The following NSRP1 variants were observed in gnomAD, a reference collection of about 807,000 sequenced individuals.
The protein encoded by NSRP1 is nuclear speckle splicing regulatory protein 1.
Under a neutral mutation model 54.7 loss-of-function variants are expected in NSRP1, and 24 were observed. The observed-to-expected ratio is 0.44, with a 90% CI of 0.32 to 0.62. The LOEUF (loss-of-function observed/expected upper bound fraction) is 0.62, where lower values mean the gene tolerates loss of function less well. Among genes scored for constraint, NSRP1 ranks in the 20% least tolerant of loss-of-function variants. The probability of loss-of-function intolerance (pLI) is 0.06; values close to 1 mark genes in which losing one functional copy is unlikely to be tolerated. For synonymous variants in NSRP1, 210 were observed against 213.8 expected (o/e 0.98, Z 0.15); for missense variants, 596 against 651.2 (o/e 0.92, Z 0.92).
intron 2 of NSRP1, among the ~76,000 whole-genome samples, chr17:30,128,882 A>G (rs981368643): frequency 4.6e-5 from 7 of 151,856 alleles, no homozygotes; most frequent in Admixed American, 3.9e-4. Context: ...TATTAATGGT[A>G]GTTATCTTTG....
rs142983497 is a variant in NSRP1, at chr17:30,124,578, G to A, written c.114+6405G>A. On this transcript the variant is annotated intron_variant, in intron 2 of 6. Transcript: ENST00000247026. Reference sequence around the variant, plus strand: ...CCAAAAAGGGCATGATGAGGCAGTCGAGAGATTAGCAGCAGTAAGAAGCAA... The same window carrying A: ...CCAAAAAGGGCATGATGAGGCAGTCAAGAGATTAGCAGCAGTAAGAAGCAA... 1.1e-3 allele frequency among the ~76,000 whole-genome samples: 165 copies of A among 152,320 alleles called. 2 individuals carry two copies. Among genetic ancestry groups the A allele is most frequent in the Middle Eastern group, 0.01 (3 of 294 alleles).
In NSRP1 at chr17:30,172,598, G is replaced by A. The variant is rs1468514208; in HGVS notation, c.171G>A (p.Gln57=). The part of the protein sequence containing the change: ...REAAKKQAMK[Q]TKLEIQKALA... Reference sequence around the variant, plus strand: ...CTGCTAAGAAGCAGGCCATGAAACAGGTAAGGTAGAAGACTGGGATAAGTG... The same window carrying A: ...CTGCTAAGAAGCAGGCCATGAAACAAGTAAGGTAGAAGACTGGGATAAGTG... The change falls in exon 3 of 7, where the codon CAG becomes CAA. Residue 57 remains glutamine, a splice_region_variant and synonymous_variant. Coordinates refer to ENST00000247026, the MANE Select transcript of NSRP1 (RefSeq NM_032141.4). The A allele has an allele frequency of 6.2e-7, 1 of 1,610,014 alleles. No homozygotes were observed. Among genetic ancestry groups the A allele is most frequent in the Admixed American group, 1.7e-5 (1 of 59,586 alleles).
At chr17:30,148,837 C>A (rs771377257) in intron 2 of NSRP1, among the ~76,000 whole-genome samples, 26 of 152,326 alleles carry the variant, frequency 1.7e-4, no homozygotes, top group Non-Finnish European at 3.7e-4. Flanking sequence ...AATCTTTCAT[C>A]TACTGTTACT....
At chr17:30,164,781 G>A (rs1904669443) in intron 2 of NSRP1, among the ~76,000 whole-genome samples, 2 of 151,998 alleles carry the variant, frequency 1.3e-5, no homozygotes, top group Non-Finnish European at 2.9e-5. Context: ...CTGGACAACA[G>A]AGCAAGACCC....
At chr17:30,181,398 C>CTTTTTTT (rs61484398) in intron 6 of NSRP1, among the ~76,000 whole-genome samples, 44 of 121,866 alleles carry the variant, frequency 3.6e-4, no homozygotes, top group Middle Eastern at 8.3e-3. Context: ...TTTCTTTTTT[C>CTTTTTTT]TTTTTTTTTT....
Position 30,173,257 on chromosome 17 carries a change from C to T in NSRP1, c.171+659C>T, listed in dbSNP as rs571587681. On this transcript the variant is annotated intron_variant, in intron 3 of 6. Transcript: ENST00000247026. ...GGGATTACAGGCGTGAGCCACCGTG[C>T]GCGGCCTGATAATTTTTAAAAGACG... Among the ~76,000 whole-genome samples, 5 of 152,302 alleles carry T rather than the reference C, an allele frequency of 3.3e-5. No individual in the cohort carries two copies. The East Asian group carries it at 5.8e-4, about 18-fold the overall frequency.
chr17:30,155,734 C>T (rs2071955855), intron 2 of NSRP1, among the ~76,000 whole-genome samples: 2 of 152,050 alleles, frequency 1.3e-5, no homozygotes, highest in African/African-American at 2.4e-5. Flanking sequence ...GCATTTTACC[C>T]TTTCCATGTG....
chr17:30,174,403 G>A (rs1385361512), intron 3 of NSRP1, among the ~76,000 whole-genome samples: 2 of 152,130 alleles, frequency 1.3e-5, no homozygotes, highest in Non-Finnish European at 2.9e-5. Flanking sequence ...CATACGAATT[G>A]AAATTATTTT....
chr17:30,171,963 CA>C (rs1567804316), intron 2 of NSRP1, among the ~76,000 whole-genome samples: 30 of 137,000 alleles, frequency 2.2e-4, no homozygotes, highest in East Asian at 6.9e-4. Flanking sequence ...CACACACACA[CA>C]CACACACACT....
chr17:30,158,327 A>G (rs931406558), intron 2 of NSRP1, among the ~76,000 whole-genome samples: 3 of 92,546 alleles, frequency 3.2e-5, no homozygotes, highest in African/African-American at 1.2e-4. Context: ...TTTTTTTGCT[A>G]TTGAGTTGTT....
rs115203286 is a variant in NSRP1 at position 30,163,541 on chromosome 17, A to G, written c.115-9001A>G. On this transcript the variant is annotated intron_variant, in intron 2 of 6. Coordinates refer to ENST00000247026, the MANE Select transcript of NSRP1 (RefSeq NM_032141.4). ...CCCTTTTAGGTCATATCTGACTGCTATTCAAAATGAAGCAAATATTAGATT... is the reference window on the plus strand; with the variant it reads ...CCCTTTTAGGTCATATCTGACTGCTGTTCAAAATGAAGCAAATATTAGATT... Among the ~76,000 whole-genome samples, 236 of 152,228 alleles carry G rather than the reference A, an allele frequency of 1.6e-3. 2 individuals carry two copies. Among genetic ancestry groups the G allele is most frequent in the African/African-American group, 5.5e-3 (227 of 41,546 alleles).
chr17:30,117,965 C>A (rs2071557931), intron 1 of NSRP1, 115 bp from the exon 2 acceptor site: 2 of 807,226 alleles, frequency 2.5e-6, no homozygotes, highest in Non-Finnish European at 2.0e-6. Flanking sequence ...GTTACGTGTT[C>A]ATAAAGCTTA....
At position 30,183,638 on chromosome 17, in the gene NSRP1, T is replaced by G. The variant is rs151282648; in HGVS notation, c.618-977T>G. Reference sequence around the variant, plus strand: ...ACCATTAGTGTGATTAGTAAGTGATTAGTAAGAATCACTGAGTGGTTCTTA... The same window carrying G: ...ACCATTAGTGTGATTAGTAAGTGATGAGTAAGAATCACTGAGTGGTTCTTA... On this transcript the variant is annotated intron_variant, in intron 6 of 6. Coordinates refer to ENST00000247026, the MANE Select transcript of NSRP1 (RefSeq NM_032141.4). Among the ~76,000 whole-genome samples the G allele has an allele frequency of 2.0e-5, 3 of 152,324 alleles. No homozygotes were observed. The East Asian group carries it at 5.8e-4, about 29-fold the overall frequency.
intron 2 of NSRP1, among the ~76,000 whole-genome samples, chr17:30,130,844 TG>T (rs1423654367): frequency 6.6e-6 from 1 of 152,210 alleles, no homozygotes; most frequent in East Asian, 1.9e-4. Context: ...ATCCATGTGC[TG>T]GGTTATCATT....
intron 2 of NSRP1, chr17:30,122,282 T>C (rs1404774781): frequency 6.8e-6 from 1 of 146,090 alleles, no homozygotes; most frequent in Non-Finnish European, 1.5e-5. Flanking sequence ...TATGTTTTCA[T>C]TTCCATTGGA....
intron 2 of NSRP1, chr17:30,122,351 T>TATATATATATATATA (rs1567788455): frequency 4.1e-5 from 2 of 48,312 alleles, no homozygotes. Context: ...AACTCTGGTT[T>TATATATATATATATA]CATATATATA....
At chr17:30,172,478 C>A in intron 2 of NSRP1, 64 bp from the exon 3 acceptor site, 1 of 1,308,912 alleles carries the variant, frequency 7.6e-7, no homozygotes, top group Non-Finnish European at 1.1e-6. Context: ...AGATAGGGGA[C>A]GCTCGTACTG....
At chr17:30,134,447 C>G (rs1210706124) in intron 2 of NSRP1, among the ~76,000 whole-genome samples, 1 of 152,078 alleles carries the variant, frequency 6.6e-6, no homozygotes, top group Non-Finnish European at 1.5e-5. Flanking sequence ...GTAAAACATC[C>G]GTGAAGCACA....
At chr17:30,121,789 C>G (rs917884229) in intron 2 of NSRP1, among the ~76,000 whole-genome samples, 2 of 152,036 alleles carry the variant, frequency 1.3e-5, no homozygotes, top group Non-Finnish European at 2.9e-5. Flanking sequence ...AGGCTGGTCT[C>G]GAACCCCTGA....
Sources: gnomAD v4.1 joint callset for allele counts (sites outside exome capture counted in the v4.1 genomes callset) on GRCh38, gnomAD v4.1.1 for gene constraint, MANE v1.5 for transcripts, NCBI Gene and HGNC (gene_info 2026-07-23, HGNC 2026-07-21) for gene names.